The following CRIM1 variants were observed in gnomAD, a reference collection of about 807,000 sequenced individuals.
CRIM1 encodes the protein cysteine rich transmembrane BMP regulator 1.
CRIM1 carries 32 observed loss-of-function variants against 116.4 expected under a neutral mutation model. That is an observed-to-expected ratio of 0.27 (90% confidence interval 0.21 to 0.37). CRIM1 has a LOEUF of 0.37. Ranked by LOEUF, CRIM1 falls within the 10% of genes least tolerant of loss-of-function variation. The probability of loss-of-function intolerance (pLI) is 1.00; values close to 1 mark genes in which losing one functional copy is unlikely to be tolerated. For missense variants in CRIM1, 1,331 were observed against 1,354.8 expected (o/e 0.98, Z 0.28); for synonymous variants, 590 against 509.2 (o/e 1.16, Z -2.13).
intron 15 of CRIM1, among the ~76,000 whole-genome samples, chr2:36,546,171 A>G (rs539336268): frequency 4.6e-5 from 7 of 152,322 alleles, no homozygotes; most frequent in African/African-American, 1.7e-4. Context: ...ATTGATTTTT[A>G]ATGCATTTAG....
chr2:36,494,386 G>A (rs1680440516), intron 7 of CRIM1, among the ~76,000 whole-genome samples: 1 of 152,056 alleles, frequency 6.6e-6, no homozygotes, highest in East Asian at 1.9e-4. Flanking sequence ...GGCTTTTTAG[G>A]TTATGAAAGA....
intron 1 of CRIM1, among the ~76,000 whole-genome samples, chr2:36,379,805 G>A (rs1240188112): frequency 7.0e-6 from 1 of 142,000 alleles, no homozygotes; most frequent in Non-Finnish European, 1.5e-5. Flanking sequence ...ATCTATATCA[G>A]GGTATGTTTT....
At chr2:36,443,454 C>T (rs1439786332) in intron 4 of CRIM1, among the ~76,000 whole-genome samples, 1 of 152,168 alleles carries the variant, frequency 6.6e-6, no homozygotes, top group Non-Finnish European at 1.5e-5. Flanking sequence ...CTGTTTTCCC[C>T]CGACTACTCA....
chr2:36,439,915 C>G (rs1484432156), intron 2 of CRIM1, among the ~76,000 whole-genome samples: 2 of 152,168 alleles, frequency 1.3e-5, no homozygotes, highest in South Asian at 4.1e-4. Context: ...TCTTTACTGA[C>G]ATATCCCAAG....
At chr2:36,431,481 C>G (rs918809379) in intron 2 of CRIM1, among the ~76,000 whole-genome samples, 19 of 152,088 alleles carry the variant, frequency 1.2e-4, no homozygotes, top group African/African-American at 4.6e-4. Context: ...TGAAGTCTTT[C>G]TAAAAACATC....
chr2:36,485,786 G>C (rs1679774120), intron 7 of CRIM1, among the ~76,000 whole-genome samples: 2 of 152,136 alleles, frequency 1.3e-5, no homozygotes, highest in South Asian at 4.1e-4. Flanking sequence ...GGGTGGTATT[G>C]CTTCAGTGCC....
rs750287447 is a variant in CRIM1, at chr2:36,479,615, C to T, written c.1293C>T (p.Arg431=). 6.2e-7 allele frequency: 1 copy of T among 1,614,238 alleles called. No individual in the cohort carries two copies. The change falls in exon 7 of 17, where the codon CGC becomes CGT. Residue 431 remains arginine, a synonymous_variant. Coordinates refer to ENST00000280527, the MANE Select transcript of CRIM1 (RefSeq NM_016441.3). ...CTFCQCVNGE[R]HCVATVCGQT... is the part of the protein sequence containing the mutation. ...TCTGCCAGTGCGTCAACGGTGAACG[C>T]CACTGCGTTGCGACCGTCTGCGGAC...
At chr2:36,455,805 G>A (rs1300894603) in intron 4 of CRIM1, among the ~76,000 whole-genome samples, 1 of 152,160 alleles carries the variant, frequency 6.6e-6, no homozygotes, top group Non-Finnish European at 1.5e-5. Flanking sequence ...TATGTTCGGA[G>A]GATGGGGGAG....
intron 1 of CRIM1, among the ~76,000 whole-genome samples, chr2:36,382,519 C>A (rs184901383): frequency 1.1e-4 from 17 of 152,336 alleles, no homozygotes; most frequent in Non-Finnish European, 2.5e-4. Flanking sequence ...TCTCTTCTCA[C>A]AAGACATTAT....
rs1680420029 is a variant in CRIM1 at position 36,494,149 on chromosome 2, G to C, written c.1373-5070G>C. Among the ~76,000 whole-genome samples, 7 of 152,286 alleles carry C rather than the reference G, an allele frequency of 4.6e-5. No homozygotes were observed. In the South Asian group the frequency reaches 1.5e-3, roughly 32 times the overall value. Reference sequence around the variant, plus strand: ...ATTTATGGTTTAGTACCGTGGCCTTGAAGTTAGATTCATGATTTTCATTTT... The same window carrying C: ...ATTTATGGTTTAGTACCGTGGCCTTCAAGTTAGATTCATGATTTTCATTTT... On this transcript the variant is annotated intron_variant, in intron 7 of 16. Transcript: ENST00000280527.
At position 36,356,766 on chromosome 2, in the gene CRIM1, TGCCCCCGC is replaced by T; in HGVS notation, c.331+145_331+152del. The T allele has an allele frequency of 1.3e-6, 1 of 777,362 alleles. No individual in the cohort carries two copies. The highest frequency in any genetic ancestry group is 2.0e-6 in the Non-Finnish European group (1 of 498,716). The allele number at this position is 777,362 out of a possible 1,614,324, so 48.2% of individuals were successfully genotyped here. A position where few individuals can be genotyped will look rare whatever the true frequency, so the allele number is the denominator to read the frequency against. On this transcript the variant is annotated intron_variant, in intron 1 of 16. Transcript: ENST00000280527. This position sits in a 1 kb window ranked among gnomAD's most constrained non-coding sequence, Gnocchi z 4.3. ...GGGGCGGCCGCCGCCCCCAGGAGAG[TGCCCCCGC>T]GGCCCTGCGTTCCCTCTCCTTGTTC... is the stretch of plus-strand genomic sequence containing the variant.
chr2:36,433,605 C>G (rs1001626879), intron 2 of CRIM1, among the ~76,000 whole-genome samples: 1 of 152,160 alleles, frequency 6.6e-6, no homozygotes, highest in Admixed American at 6.5e-5. Context: ...GCTATTTAAA[C>G]AAGTACTAAT....
rs754586480 is a variant in CRIM1, at chr2:36,506,179, TCTCACACA to T, written c.1502-3802_1502-3795del. Among the ~76,000 whole-genome samples the T allele has an allele frequency of 5.5e-3, 500 of 91,734 alleles. 1 individual carries two copies. Among genetic ancestry groups the T allele is most frequent in the Non-Finnish European group, 9.1e-3 (365 of 40,032 alleles). 60.2% of individuals were successfully genotyped at this position (91,734 alleles called of 152,430 possible). ...CACACTCTCTCTCTCTCTCTCTCTC[TCTCACACA>T]CACACACACACACACACACACACAC... is the stretch of plus-strand genomic sequence containing the variant. On this transcript the variant is annotated intron_variant, in intron 8 of 16. Coordinates refer to ENST00000280527, the MANE Select transcript of CRIM1 (RefSeq NM_016441.3).
In CRIM1 at chr2:36,510,105, A is replaced by G; in HGVS notation, c.1624A>G (p.Ile542Val). ...CRPRPKKCRP[I>V]ICDKYCPLGL... ...CCCAAGGCCCAAGAAGTGCAGACCCATAATCTGTGACAAGTATTGTCCACT... is the reference window on the plus strand; with the variant it reads ...CCCAAGGCCCAAGAAGTGCAGACCCGTAATCTGTGACAAGTATTGTCCACT... The change falls in exon 9 of 17, where the codon ATA (isoleucine) becomes GTA (valine). Residue 542 changes from isoleucine (I) to valine (V), a missense_variant. Around this residue, in one of 3 missense-constraint regions of CRIM1, gnomAD observed 358 missense variants for 436.1 expected, o/e 0.82. Transcript: ENST00000280527. 1 of 1,614,148 alleles carries G rather than the reference A, an allele frequency of 6.2e-7. No homozygotes were observed. Among genetic ancestry groups the G allele is most frequent in the Non-Finnish European group, 8.5e-7 (1 of 1,180,000 alleles).
intron 2 of CRIM1, among the ~76,000 whole-genome samples, chr2:36,403,556 G>C (rs539879320): frequency 1.3e-5 from 2 of 152,226 alleles, no homozygotes; most frequent in South Asian, 4.1e-4. Flanking sequence ...AGCAGCCTTG[G>C]ATAGAAAAGA....
intron 5 of CRIM1, among the ~76,000 whole-genome samples, chr2:36,465,254 G>A (rs1239554686): frequency 6.6e-6 from 1 of 152,200 alleles, no homozygotes. Flanking sequence ...GACAGAATCT[G>A]CCTCTCCCTT....
intron 13 of CRIM1, among the ~76,000 whole-genome samples, chr2:36,526,713 C>T (rs1219240352): frequency 2.0e-5 from 3 of 152,158 alleles, no homozygotes; most frequent in Non-Finnish European, 4.4e-5. Flanking sequence ...GGAGGGGGGA[C>T]CGTGAGTCTT....
intron 1 of CRIM1, among the ~76,000 whole-genome samples, chr2:36,387,266 C>A (rs552274329): frequency 1.3e-5 from 2 of 152,208 alleles, no homozygotes; most frequent in East Asian, 3.9e-4. Context: ...TTTAGAGTAT[C>A]CTGATGAAGA....
chr2:36,423,963 C>T (rs1357548975), intron 2 of CRIM1, among the ~76,000 whole-genome samples: 1 of 151,958 alleles, frequency 6.6e-6, no homozygotes, highest in Non-Finnish European at 1.5e-5. Flanking sequence ...ACTAGGCAGA[C>T]AGGTACGTAG....
Sources: allele counts gnomAD v4.1 joint callset (sites outside exome capture counted in the v4.1 genomes callset), GRCh38; gene constraint gnomAD v4.1.1; regional missense constraint gnomAD v4.1.1; non-coding constraint Gnocchi (gnomAD v3.1); transcripts MANE v1.5; gene names NCBI Gene and HGNC (gene_info 2026-07-23, HGNC 2026-07-21).